The following NCKAP1 variants were observed in gnomAD, a reference collection of about 807,000 sequenced individuals.
NCKAP1 encodes nck-associated protein 1.
Under a neutral mutation model 151.2 loss-of-function variants are expected in NCKAP1, and 21 were observed. The observed-to-expected ratio is 0.14, with a 90% CI of 0.10 to 0.20. NCKAP1 has a LOEUF of 0.20. Among genes scored for constraint, NCKAP1 ranks in the 10% least tolerant of loss-of-function variants. The probability of loss-of-function intolerance (pLI) is 1.00; values close to 1 mark genes in which losing one functional copy is unlikely to be tolerated. For missense variants in NCKAP1, 933 were observed against 1,352.1 expected, an observed-to-expected ratio of 0.69 and a Z score of 4.86; for synonymous variants, 484 against 451.8, an observed-to-expected ratio of 1.07 and a Z score of -0.90.
intron 24 of NCKAP1, 48 bp downstream of exon 24, chr2:182,942,022 A>C: frequency 6.9e-7 from 1 of 1,441,188 alleles, no homozygotes; most frequent in Non-Finnish European, 9.6e-7. Flanking sequence ...CTAAATACTG[A>C]GTATCAAGAT....
At chr2:183,001,063 G>A (rs577168888) in intron 6 of NCKAP1, among the ~76,000 whole-genome samples, 33 of 152,292 alleles carry the variant, frequency 2.2e-4, no homozygotes, top group Non-Finnish European at 4.4e-4. Flanking sequence ...ACTGCATTCC[G>A]GCTGGGGCGA....
chr2:182,928,323 C>A (rs1310895281), intron 28 of NCKAP1, 97 bp from the exon 29 acceptor site: 4 of 801,130 alleles, frequency 5.0e-6, no homozygotes, highest in Admixed American at 2.7e-5. Context: ...TAAATAGGGG[C>A]ATAATTAAGA....
chr2:182,917,983 T>G lies in NCKAP1; in HGVS notation c.*7719A>C, dbSNP rs912501638. 3.4e-4 allele frequency: 52 copies of G among 152,056 alleles called. 1 individual carries two copies. Among genetic ancestry groups the G allele is most frequent in the African/African-American group, 1.2e-3 (51 of 41,380 alleles). 9.4% of individuals were successfully genotyped at this position (152,056 alleles called of 1,614,324 possible). Reference sequence around the variant, plus strand: ...CCCACAGTCATTTACCCAGGAAATGTTTTTTAGTGCTTTGGGAAAGAACAT... The same window carrying G: ...CCCACAGTCATTTACCCAGGAAATGGTTTTTAGTGCTTTGGGAAAGAACAT... On this transcript the variant is annotated 3_prime_UTR_variant, in exon 31 of 31. Transcript: ENST00000361354.
intron 9 of NCKAP1, among the ~76,000 whole-genome samples, chr2:182,988,323 T>G (rs1445255702): frequency 6.6e-6 from 1 of 152,154 alleles, no homozygotes; most frequent in East Asian, 1.9e-4. Context: ...ATAAGCAAAT[T>G]TCACTGTTAT....
In NCKAP1 at chr2:182,914,664, G is replaced by A. The variant is rs949087612; in HGVS notation, c.*11038C>T. On this transcript the variant is annotated 3_prime_UTR_variant, in exon 31 of 31. Transcript: ENST00000361354. ...CTTAAGTCACTTAGAATGACATGAG[G>A]GGTTCTATTACTAATTTGAAGAGTA... The A allele has an allele frequency of 3.9e-5, 6 of 151,900 alleles. No homozygotes were observed. The highest frequency in any genetic ancestry group is 7.4e-5 in the Non-Finnish European group (5 of 68,008). 9.4% of individuals were successfully genotyped at this position (151,900 alleles called of 1,614,324 possible). A position where few individuals can be genotyped will look rare whatever the true frequency, so the allele number is the denominator to read the frequency against.
Position 183,020,482 on chromosome 2 carries a change from A to AG in NCKAP1, c.219+3323_219+3324insC, listed in dbSNP as rs1482006076. On this transcript the variant is annotated intron_variant, in intron 2 of 30. Coordinates refer to ENST00000361354, the MANE Select transcript of NCKAP1 (RefSeq NM_013436.5). ...CGTGTCCCAAAAAAAAAAAAAAAAG[A>AG]AAAAAAAGAAAAAAAAATTTATTGC... 7.3e-3 allele frequency among the ~76,000 whole-genome samples: 914 copies of AG among 124,996 alleles called. 22 individuals carry two copies. The highest frequency in any genetic ancestry group is 0.029 in the African/African-American group (841 of 29,032). 82.0% of individuals were successfully genotyped at this position (124,996 alleles called of 152,430 possible).
At chr2:182,978,722 A>C in intron 14 of NCKAP1, 112 bp downstream of exon 14, 1 of 525,798 alleles carries the variant, frequency 1.9e-6, no homozygotes. Flanking sequence ...AACAAAATTA[A>C]GATAAAAGAT....
intron 24 of NCKAP1, among the ~76,000 whole-genome samples, chr2:182,939,825 T>C (rs1250136344): frequency 6.6e-6 from 1 of 152,204 alleles, no homozygotes; most frequent in Admixed American, 6.5e-5. Context: ...ATCGTTTCTT[T>C]TTCCAAATTA....
intron 23 of NCKAP1, among the ~76,000 whole-genome samples, chr2:182,951,731 A>G (rs1172869625): frequency 6.6e-6 from 1 of 152,086 alleles, no homozygotes; most frequent in Non-Finnish European, 1.5e-5. Context: ...ATTTTAAAAC[A>G]TGATTTCTCT....
At chr2:182,940,785 AG>A (rs1023503751) in intron 24 of NCKAP1, among the ~76,000 whole-genome samples, 1 of 152,228 alleles carries the variant, frequency 6.6e-6, no homozygotes, top group Non-Finnish European at 1.5e-5. Flanking sequence ...TGTAACACAC[AG>A]TGATATGTGT....
At chr2:182,974,548 T>C (rs1315643794) in intron 15 of NCKAP1, among the ~76,000 whole-genome samples, 1 of 151,720 alleles carries the variant, frequency 6.6e-6, no homozygotes, top group Non-Finnish European at 1.5e-5. Flanking sequence ...AGAGGAAAAA[T>C]GAAGTGAAGA....
intron 1 of NCKAP1, among the ~76,000 whole-genome samples, chr2:183,028,990 G>A (rs926864438): frequency 2.6e-5 from 4 of 151,348 alleles, no homozygotes; most frequent in African/African-American, 9.7e-5. Context: ...ATGGTCTGGC[G>A]CCTGTAATCC....
intron 23 of NCKAP1, among the ~76,000 whole-genome samples, chr2:182,942,881 G>A (rs1697026265): frequency 6.6e-6 from 1 of 152,086 alleles, no homozygotes; most frequent in African/African-American, 2.4e-5. Context: ...TTCTGTCAGA[G>A]ATAAGCCTAG....
intron 18 of NCKAP1, among the ~76,000 whole-genome samples, chr2:182,958,989 T>C (rs1288669539): frequency 2.0e-5 from 3 of 152,238 alleles, no homozygotes; most frequent in Non-Finnish European, 4.4e-5. Flanking sequence ...TATATAGGGT[T>C]GAATCATTGT....
chr2:183,019,874 T>C (rs1426303150), intron 2 of NCKAP1, among the ~76,000 whole-genome samples: 7 of 152,156 alleles, frequency 4.6e-5, no homozygotes, highest in South Asian at 4.1e-4. Flanking sequence ...ATAAAACTTG[T>C]TACAACTGGT....
intron 23 of NCKAP1, among the ~76,000 whole-genome samples, chr2:182,949,410 T>C (rs554886986): frequency 6.6e-6 from 1 of 152,326 alleles, no homozygotes; most frequent in East Asian, 1.9e-4. Context: ...GGCCTCACTT[T>C]CCTAATTTGT....
chr2:182,991,062 A>G (rs1218520390), intron 8 of NCKAP1, among the ~76,000 whole-genome samples: 1 of 152,192 alleles, frequency 6.6e-6, no homozygotes, highest in African/African-American at 2.4e-5. Flanking sequence ...TTCCACCCTA[A>G]TATCAAGTGA....
At chr2:183,031,680 G>A (rs916638471) in intron 1 of NCKAP1, among the ~76,000 whole-genome samples, 3 of 152,128 alleles carry the variant, frequency 2.0e-5, no homozygotes, top group Admixed American at 2.0e-4. Flanking sequence ...TTGCTACAAG[G>A]CACTGTACCA....
At chr2:183,031,267 C>A (rs1247086042) in intron 1 of NCKAP1, among the ~76,000 whole-genome samples, 1 of 152,140 alleles carries the variant, frequency 6.6e-6, no homozygotes, top group Non-Finnish European at 1.5e-5. Context: ...TTATTAATTA[C>A]CATTCCATTT....
Sources: gnomAD v4.1 joint callset for allele counts (sites outside exome capture counted in the v4.1 genomes callset) on GRCh38, gnomAD v4.1.1 for gene constraint, MANE v1.5 for transcripts, NCBI Gene and HGNC (gene_info 2026-07-23, HGNC 2026-07-21) for gene names.